ZHX3: variants seen among roughly 807,000 people sequenced by gnomAD.
ZHX3 encodes zinc fingers and homeoboxes protein 3.
Under a neutral mutation model 64.5 loss-of-function variants are expected in ZHX3, and 20 were observed. The observed-to-expected ratio is 0.31, with a 90% CI of 0.22 to 0.45. ZHX3 has a LOEUF of 0.45. ZHX3 is among the 20% of genes least tolerant of loss of function. ZHX3 has a pLI of 1.00. For synonymous variants in ZHX3, 423 were observed against 461.6 expected, an observed-to-expected ratio of 0.92 and a Z score of 1.07; for missense variants, 1,041 against 1,195.8, an observed-to-expected ratio of 0.87 and a Z score of 1.91.
In ZHX3 at chr20:41,195,715, G is replaced by C. The variant is rs908104027; in HGVS notation, c.2860+6342C>G. Among the ~76,000 whole-genome samples, 10 of 152,120 alleles carry C rather than the reference G, an allele frequency of 6.6e-5. No individual in the cohort carries two copies. Among genetic ancestry groups the C allele is most frequent in the Non-Finnish European group, 1.3e-4 (9 of 68,010 alleles). On this transcript the variant is annotated intron_variant, in intron 3 of 3. Transcript: ENST00000683867. The surrounding 1 kb of genome is among the most constrained non-coding windows in gnomAD (Gnocchi z 4.2). ...ACAGGCATAAGCCACTGCGCCCAGC[G>C]TAAGTTCTCTTTTAATGTATGCATT... is the stretch of plus-strand genomic sequence containing the variant.
intron 2 of ZHX3, among the ~76,000 whole-genome samples, chr20:41,223,663 G>C (rs888531672): frequency 3.3e-5 from 5 of 152,230 alleles, no homozygotes; most frequent in African/African-American, 1.2e-4. Flanking sequence ...AGATGTGTTT[G>C]AGGGAAGCTT....
At position 41,227,884 on chromosome 20, in the gene ZHX3, T is replaced by A. The variant is rs6029579; in HGVS notation, c.-150-22818A>T. Among the ~76,000 whole-genome samples, 1,181 of 152,218 alleles carry A rather than the reference T, an allele frequency of 7.8e-3. 11 individuals are homozygous for A. The highest frequency in any genetic ancestry group is 0.027 in the African/African-American group (1,119 of 41,524). ...TACTTGAGACACCACTTAAATCTCA[T>A]AAAAATAGAAAAGATCCCCTAACTG... On this transcript the variant is annotated intron_variant, in intron 2 of 3. Coordinates refer to ENST00000683867, the MANE Select transcript of ZHX3 (RefSeq NM_001384317.1).
intron 1 of ZHX3, among the ~76,000 whole-genome samples, chr20:41,302,101 T>C (rs896304190): frequency 7.1e-6 from 1 of 141,264 alleles, no homozygotes; most frequent in African/African-American, 2.6e-5. Context: ...CCACCGCAAG[T>C]GCTCTTCCAA....
At chr20:41,229,481 GTT>G (rs766375683) in intron 2 of ZHX3, among the ~76,000 whole-genome samples, 1 of 152,096 alleles carries the variant, frequency 6.6e-6, no homozygotes. Context: ...TTGCCATACT[GTT>G]TTCCATAACA....
At chr20:41,254,253 C>T (rs1051014416) in intron 2 of ZHX3, among the ~76,000 whole-genome samples, 8 of 152,190 alleles carry the variant, frequency 5.3e-5, no homozygotes, top group Non-Finnish European at 1.0e-4. Context: ...TTTGCTTATT[C>T]ACCCATCAAC....
chr20:41,230,796 A>G (rs1216708910), intron 2 of ZHX3, among the ~76,000 whole-genome samples: 1 of 152,166 alleles, frequency 6.6e-6, no homozygotes, highest in African/African-American at 2.4e-5. Flanking sequence ...ACACATGCAT[A>G]GCCTACTCCA....
At position 41,232,543 on chromosome 20, in the gene ZHX3, T is replaced by C. The variant is rs1462004109; in HGVS notation, c.-150-27477A>G. Among the ~76,000 whole-genome samples, 2 of 152,100 alleles carry C rather than the reference T, an allele frequency of 1.3e-5. No homozygotes were observed. Among genetic ancestry groups the C allele is most frequent in the Non-Finnish European group, 2.9e-5 (2 of 68,014 alleles). ...AGTGGAAAAGAAAGAGATATGAAAATTGAAACACAGCACCCTCTGGTGTAC... is the reference window on the plus strand; with the variant it reads ...AGTGGAAAAGAAAGAGATATGAAAACTGAAACACAGCACCCTCTGGTGTAC... On this transcript the variant is annotated intron_variant, in intron 2 of 3. Transcript: ENST00000683867. The surrounding 1 kb of genome is among the most constrained non-coding windows in gnomAD (Gnocchi z 5.0).
chr20:41,303,378 A>C (rs902645799), intron 1 of ZHX3, among the ~76,000 whole-genome samples: 7 of 152,240 alleles, frequency 4.6e-5, no homozygotes, highest in Non-Finnish European at 8.8e-5. Context: ...ACTGTGGAGT[A>C]TAACTTTTAT....
chr20:41,238,065 A>T (rs576819653), intron 2 of ZHX3, among the ~76,000 whole-genome samples: 2 of 152,236 alleles, frequency 1.3e-5, no homozygotes, highest in African/African-American at 4.8e-5. Context: ...CATTAAATAC[A>T]TCAGTTACAG....
chr20:41,201,434 T>C lies in ZHX3; in HGVS notation c.2860+623A>G. 8.1e-7 allele frequency: 1 copy of C among 1,235,834 alleles called. No individual in the cohort carries two copies. Among genetic ancestry groups the C allele is most frequent in the Non-Finnish European group, 1.1e-6 (1 of 929,044 alleles). 76.6% of individuals were successfully genotyped at this position (1,235,834 alleles called of 1,614,324 possible). A position where few individuals can be genotyped will look rare whatever the true frequency, so the allele number is the denominator to read the frequency against. The stretch of plus-strand genomic sequence containing the variant: ...TGACTTGTCTGTGGCTTCAAAACTA[T>C]GTCTTAAATAAAAATAATCTTCTAT... On this transcript the variant is annotated intron_variant, in intron 3 of 3. Transcript: ENST00000683867. This position sits in a 1 kb window ranked among gnomAD's most constrained non-coding sequence, Gnocchi z 5.0.
chr20:41,190,773 T>C (rs185179482), intron 3 of ZHX3, among the ~76,000 whole-genome samples: 1 of 152,326 alleles, frequency 6.6e-6, no homozygotes, highest in Admixed American at 6.5e-5. Flanking sequence ...GGAAATACTT[T>C]ATTTCTCCTT....
At chr20:41,271,632 G>T (rs1019914247) in intron 1 of ZHX3, among the ~76,000 whole-genome samples, 1 of 152,094 alleles carries the variant, frequency 6.6e-6, no homozygotes, top group African/African-American at 2.4e-5. Context: ...TGGGCCAGAA[G>T]CAACAGCCTC....
Position 41,201,448 on chromosome 20 carries a change from A to G in ZHX3, c.2860+609T>C. 5 of 1,187,004 alleles carry G rather than the reference A, an allele frequency of 4.2e-6. No individual in the cohort carries two copies. Among genetic ancestry groups the G allele is most frequent in the South Asian group, 2.6e-5 (2 of 77,706 alleles). The allele number at this position is 1,187,004 out of a possible 1,614,324, so 73.5% of individuals were successfully genotyped here. ...CTTCAAAACTATGTCTTAAATAAAA[A>G]TAATCTTCTATGATACATTTTGCTT... On this transcript the variant is annotated intron_variant, in intron 3 of 3. Coordinates refer to ENST00000683867, the MANE Select transcript of ZHX3 (RefSeq NM_001384317.1). This position sits in a 1 kb window ranked among gnomAD's most constrained non-coding sequence, Gnocchi z 5.0.
chr20:41,293,722 T>C (rs1482993269), intron 1 of ZHX3, among the ~76,000 whole-genome samples: 2 of 152,198 alleles, frequency 1.3e-5, no homozygotes, highest in African/African-American at 2.4e-5. Flanking sequence ...TCGAAAAGAA[T>C]GGCTGAACTG....
intron 2 of ZHX3, among the ~76,000 whole-genome samples, chr20:41,206,135 C>T (rs2038695398): frequency 6.6e-6 from 1 of 152,204 alleles, no homozygotes. Context: ...CACACCAAAA[C>T]CCCATCTGGA....
rs57987896 is a variant in ZHX3 at position 41,296,232 on chromosome 20, T to TAAAAAA, written c.-245+21271_-245+21276dup. Among the ~76,000 whole-genome samples, 29 of 73,002 alleles carry TAAAAAA rather than the reference T, an allele frequency of 4.0e-4. 6 individuals carry two copies. The highest frequency in any genetic ancestry group is 1.0e-3 in the African/African-American group (22 of 21,320). 47.9% of individuals were successfully genotyped at this position (73,002 alleles called of 152,430 possible). A position where few individuals can be genotyped will look rare whatever the true frequency, so the allele number is the denominator to read the frequency against. ...TTCCCTTCTCCTCAAGTTCATAAAG[T>TAAAAAA]AAAAAAAAAAAAAAAAAAAAAAAAA... On this transcript the variant is annotated intron_variant, in intron 1 of 3. Coordinates refer to ENST00000683867, the MANE Select transcript of ZHX3 (RefSeq NM_001384317.1).
At chr20:41,282,359 A>ATTTTTTTT (rs1442916638) in intron 1 of ZHX3, among the ~76,000 whole-genome samples, 16 of 60,688 alleles carry the variant, frequency 2.6e-4, no homozygotes, top group African/African-American at 4.8e-4. Flanking sequence ...GACACAATTC[A>ATTTTTTTT]TCTTTTTTTT....
At chr20:41,309,901 C>G (rs1306129179) in intron 1 of ZHX3, among the ~76,000 whole-genome samples, 1 of 152,184 alleles carries the variant, frequency 6.6e-6, no homozygotes. Flanking sequence ...TCACTTATAT[C>G]TGTAGCAAAA....
intron 2 of ZHX3, among the ~76,000 whole-genome samples, chr20:41,209,898 G>A (rs2039027060): frequency 6.6e-6 from 1 of 152,180 alleles, no homozygotes; most frequent in South Asian, 2.1e-4. Context: ...CACCATCAGA[G>A]TGAACAGGCA....
Sources: gnomAD v4.1 joint callset for allele counts (sites outside exome capture counted in the v4.1 genomes callset) on GRCh38, gnomAD v4.1.1 for gene constraint, Gnocchi (gnomAD v3.1) non-coding constraint, MANE v1.5 for transcripts, NCBI Gene and HGNC (gene_info 2026-07-23, HGNC 2026-07-21) for gene names.